The following PDGFB variants were observed in gnomAD, a reference collection of about 807,000 sequenced individuals.
PDGFB encodes platelet derived growth factor subunit B.
A neutral mutation model predicts 29.0 loss-of-function variants in PDGFB; 6 were observed. That is an observed-to-expected ratio of 0.21 (90% CI 0.11 to 0.41). The LOEUF (loss-of-function observed/expected upper bound fraction) is 0.41. Ranked by LOEUF, PDGFB falls within the 10% of genes least tolerant of loss-of-function variation. The pLI, the probability that PDGFB is intolerant of heterozygous loss-of-function variation, is 1.00. For missense variants in PDGFB, 299 were observed against 341.8 expected (o/e 0.87, Z 0.99); for synonymous variants, 144 against 140.8 (o/e 1.02, Z -0.16).
chr22:39,243,834 G>A lies in PDGFB; in HGVS notation c.63+67C>T. ...CAAAGTTCACTGCAGGGAGAGGAGGGGGCGGTCAGAAGGGGGGGGCGAAGG... is the reference window on the plus strand; with the variant it reads ...CAAAGTTCACTGCAGGGAGAGGAGGAGGCGGTCAGAAGGGGGGGGCGAAGG... On this transcript the variant is annotated intron_variant, in intron 1 of 6. Transcript: ENST00000331163. The surrounding 1 kb of genome is among the most constrained non-coding windows in gnomAD (Gnocchi z 6.4). 1.5e-6 allele frequency: 2 copies of A among 1,291,866 alleles called. No homozygotes were observed. The highest frequency in any genetic ancestry group is 1.9e-5 in the Admixed American group (1 of 52,010). 80.0% of individuals were successfully genotyped at this position (1,291,866 alleles called of 1,614,324 possible).
chr22:39,237,130 G>A (rs539803918), intron 1 of PDGFB, among the ~76,000 whole-genome samples: 11 of 152,192 alleles, frequency 7.2e-5, no homozygotes, highest in East Asian at 1.9e-4. Context: ...GAGGGGGAGC[G>A]AGGGAGAGGA....
chr22:39,227,084 G>A (rs971768025), intron 5 of PDGFB, among the ~76,000 whole-genome samples: 11 of 152,188 alleles, frequency 7.2e-5, no homozygotes, highest in African/African-American at 2.2e-4. Context: ...TCAGCCTCCC[G>A]AGTAGCTGGG....
chr22:39,226,549 T>C (rs531963133), intron 5 of PDGFB, among the ~76,000 whole-genome samples: 12 of 152,274 alleles, frequency 7.9e-5, no homozygotes, highest in African/African-American at 2.4e-4. Flanking sequence ...GAGGGGCCAA[T>C]AGAACTGCCC....
chr22:39,232,313 A>G (rs777418299), intron 3 of PDGFB, among the ~76,000 whole-genome samples: 38 of 152,140 alleles, frequency 2.5e-4, no homozygotes, highest in Non-Finnish European at 5.4e-4. Flanking sequence ...CCTCTATGAA[A>G]TGGGATAATA....
intron 6 of PDGFB, among the ~76,000 whole-genome samples, 171 bp from the exon 7 acceptor site, chr22:39,225,484 C>T (rs764704653): frequency 2.0e-5 from 3 of 152,012 alleles, no homozygotes; most frequent in African/African-American, 7.2e-5. Flanking sequence ...GAGATTTAGA[C>T]CTCCCATCCT....
intron 1 of PDGFB, among the ~76,000 whole-genome samples, chr22:39,237,296 C>T (rs1932468272): frequency 7.2e-6 from 1 of 138,674 alleles, no homozygotes; most frequent in Non-Finnish European, 1.5e-5. Context: ...AGACTCAGGG[C>T]GGGGGGTGGG....
rs1932116522 is a variant in PDGFB, at chr22:39,224,422, C to CCTCTAGT, written c.*913_*919dup. ...ATGAGCAGGTCCCTTGCTGCCCTGG[C>CCTCTAGT]CTCTAGTCTTCTGCCCTAGAGAGGA... On this transcript the variant is annotated 3_prime_UTR_variant, in exon 7 of 7. Transcript: ENST00000331163. 1 of 152,564 alleles carries CCTCTAGT rather than the reference C, an allele frequency of 6.6e-6. No individual in the cohort carries two copies. The highest frequency in any genetic ancestry group is 2.4e-5 in the African/African-American group (1 of 41,424). 9.5% of individuals were successfully genotyped at this position (152,564 alleles called of 1,614,324 possible). A position where few individuals can be genotyped will look rare whatever the true frequency, so the allele number is the denominator to read the frequency against.
chr22:39,223,892 G>A lies in PDGFB; in HGVS notation c.*1450C>T, dbSNP rs9611110. Reference sequence around the variant, plus strand: ...TCAGATCCCACCCCAGGGGGTCTTGGGGATCTTTTCCCTTCTCTCCCCCAT... The same window carrying A: ...TCAGATCCCACCCCAGGGGGTCTTGAGGATCTTTTCCCTTCTCTCCCCCAT... On this transcript the variant is annotated 3_prime_UTR_variant, in exon 7 of 7. Coordinates refer to ENST00000331163, the MANE Select transcript of PDGFB (RefSeq NM_002608.4). 0.021 allele frequency: 3,141 copies of A among 152,356 alleles called. 67 individuals carry two copies. Among genetic ancestry groups the A allele is most frequent in the Middle Eastern group, 0.048 (14 of 294 alleles). 9.4% of individuals were successfully genotyped at this position (152,356 alleles called of 1,614,324 possible).
intron 2 of PDGFB, among the ~76,000 whole-genome samples, chr22:39,235,222 C>T (rs117680899): frequency 1.3e-5 from 2 of 152,294 alleles, no homozygotes; most frequent in Non-Finnish European, 2.9e-5. Flanking sequence ...AGGGAACAGG[C>T]CAGAGGTTAG....
At chr22:39,237,410 G>C (rs1932471228) in intron 1 of PDGFB, among the ~76,000 whole-genome samples, 1 of 152,136 alleles carries the variant, frequency 6.6e-6, no homozygotes, top group African/African-American at 2.4e-5. Context: ...AGGGCTGCTG[G>C]GCAACTTGAG....
intron 1 of PDGFB, among the ~76,000 whole-genome samples, chr22:39,239,161 G>T (rs2146451488): frequency 6.6e-6 from 1 of 152,338 alleles, no homozygotes; most frequent in East Asian, 1.9e-4. Flanking sequence ...AGTTGTCACT[G>T]TCATCATCAT....
At position 39,225,800 on chromosome 22, in the gene PDGFB, G is replaced by A. The variant is rs777222452; in HGVS notation, c.649C>T (p.Arg217Trp). 3.7e-6 allele frequency: 6 copies of A among 1,614,094 alleles called. No homozygotes were observed. The highest frequency in any genetic ancestry group is 1.7e-5 in the Admixed American group (1 of 60,016). ...TTCCGGTGCTTGCCCTTGGGGGGCC[G>A]GCGGACTCGCACCGTCCGAATGGTC... ...RVTIRTVRVR[R>W]PPKGKHRKFK... is the part of the protein sequence containing the mutation. The change falls in exon 6 of 7, where the codon CGG becomes TGG. Residue 217 changes from arginine (R) to tryptophan (W), a missense_variant. Transcript: ENST00000331163.
At chr22:39,233,373 C>T (rs1330869034) in intron 3 of PDGFB, 62 bp downstream of exon 3, 24 of 1,302,868 alleles carry the variant, frequency 1.8e-5, no homozygotes, top group South Asian at 7.8e-5. Context: ...TGCCCGCCCC[C>T]GTTCTCTTTC....
At chr22:39,234,030 G>A (rs1371819417) in intron 2 of PDGFB, among the ~76,000 whole-genome samples, 1 of 138,994 alleles carries the variant, frequency 7.2e-6, no homozygotes, top group Admixed American at 7.1e-5. Context: ...GGGAGGGAGG[G>A]AGAGGGATGG....
chr22:39,224,500 A>C lies in PDGFB; in HGVS notation c.*842T>G, dbSNP rs1289911767. On this transcript the variant is annotated 3_prime_UTR_variant, in exon 7 of 7. Transcript: ENST00000331163. ...AAGGGGTTCAAGAGCCCCTTGGTGG[A>C]GCAGACTGAAGGGCCAGGACAAGAG... 1.3e-5 allele frequency: 2 copies of C among 152,736 alleles called. No homozygotes were observed. Among genetic ancestry groups the C allele is most frequent in the Non-Finnish European group, 2.9e-5 (2 of 68,108 alleles). The allele number at this position is 152,736 out of a possible 1,614,324, so 9.5% of individuals were successfully genotyped here.
At chr22:39,225,455 T>G in intron 6 of PDGFB, 142 bp from the exon 7 acceptor site, 2 of 359,140 alleles carry the variant, frequency 5.6e-6, no homozygotes, top group Non-Finnish European at 5.1e-6. Context: ...GCTGGGGGCA[T>G]TGAGGGGCTG....
In PDGFB at chr22:39,234,004, G is replaced by A. The variant is rs9611124; in HGVS notation, c.161-480C>T. Among the ~76,000 whole-genome samples, 1,132 of 133,626 alleles carry A rather than the reference G, an allele frequency of 8.5e-3. 13 individuals carry two copies. Among genetic ancestry groups the A allele is most frequent in the South Asian group, 0.018 (58 of 3,160 alleles). 87.7% of individuals were successfully genotyped at this position (133,626 alleles called of 152,430 possible). A position where few individuals can be genotyped will look rare whatever the true frequency, so the allele number is the denominator to read the frequency against. On this transcript the variant is annotated intron_variant, in intron 2 of 6. Transcript: ENST00000331163. ...CGGACAATGGCCGCGCTGGGCAGGC[G>A]GGAGCCACGGAGGGAGGGAGGGAGG...
At position 39,231,664 on chromosome 22, in the gene PDGFB, G is replaced by A. The variant is rs142944132; in HGVS notation, c.414C>T (p.Asn138=). ...GCACCTGGGTGGGGCGGCACTGCAC[G>A]TTGCGGTTGTTGCAGCAGCCGGAGC... ...QRCSGCCNNR[N]VQCRPTQVQL... The change falls in exon 4 of 7, where the codon AAC becomes AAT. Residue 138 remains asparagine, a synonymous_variant. Transcript: ENST00000331163. The surrounding 1 kb of genome is among the most constrained non-coding windows in gnomAD (Gnocchi z 4.3). 7 of 1,590,352 alleles carry A rather than the reference G, an allele frequency of 4.4e-6. No individual in the cohort carries two copies. The highest frequency in any genetic ancestry group is 2.7e-5 in the African/African-American group (2 of 74,488).
intron 2 of PDGFB, among the ~76,000 whole-genome samples, chr22:39,234,141 C>G (rs1331216627): frequency 6.6e-6 from 1 of 152,188 alleles, no homozygotes; most frequent in Non-Finnish European, 1.5e-5. Flanking sequence ...CCTGGTCTCT[C>G]TAGCTCCGGG....
Sources: gnomAD v4.1 joint callset for allele counts (sites outside exome capture counted in the v4.1 genomes callset) on GRCh38, gnomAD v4.1.1 for gene constraint, Gnocchi (gnomAD v3.1) non-coding constraint, MANE v1.5 for transcripts, NCBI Gene and HGNC (gene_info 2026-07-23, HGNC 2026-07-21) for gene names.